SLC7A9: variants seen among roughly 807,000 people sequenced by gnomAD.
SLC7A9 encodes the protein B(0,+)-type amino acid transporter 1.
Under a neutral mutation model 54.1 loss-of-function variants are expected in SLC7A9, and 38 were observed. The ratio of observed to expected loss-of-function variants is 0.70; its 90% CI spans 0.54 to 0.92. The LOEUF is 0.92. SLC7A9 is among the 40% of genes least tolerant of loss of function. The pLI is 0.00. For synonymous variants in SLC7A9, 264 were observed against 258.9 expected (o/e 1.02, Z -0.19); for missense variants, 537 against 636.1 (o/e 0.84, Z 1.68).
intron 9 of SLC7A9, among the ~76,000 whole-genome samples, chr19:32,844,786 G>A (rs1036903370): frequency 2.1e-4 from 27 of 129,604 alleles, no homozygotes; most frequent in South Asian, 7.8e-4. Flanking sequence ...AGCTGAGATC[G>A]CACCATTGCA....
At chr19:32,858,846 T>A (rs920711419) in intron 8 of SLC7A9, among the ~76,000 whole-genome samples, 1 of 151,818 alleles carries the variant, frequency 6.6e-6, no homozygotes, top group African/African-American at 2.4e-5. Context: ...TGGAGTGCAA[T>A]GTTGCTGTCT....
chr19:32,840,716 G>T (rs1269684926), intron 11 of SLC7A9, among the ~76,000 whole-genome samples: 1 of 151,980 alleles, frequency 6.6e-6, no homozygotes, highest in African/African-American at 2.4e-5. Context: ...GAGTTTTTGT[G>T]GGGAGTTTCT....
intron 1 of SLC7A9, among the ~76,000 whole-genome samples, chr19:32,869,116 G>T (rs1010150847): frequency 8.6e-4 from 131 of 151,590 alleles, no homozygotes; most frequent in African/African-American, 3.0e-3. Flanking sequence ...CCAGCTACTC[G>T]GGAGGCTGAG....
At position 32,868,626 on chromosome 19, in the gene SLC7A9, G is replaced by T; in HGVS notation, c.-92C>A. 9.5e-7 allele frequency: 1 copy of T among 1,055,894 alleles called. No individual in the cohort carries two copies. The highest frequency in any genetic ancestry group is 1.5e-6 in the Non-Finnish European group (1 of 675,566). 65.4% of individuals were successfully genotyped at this position (1,055,894 alleles called of 1,614,324 possible). The stretch of plus-strand genomic sequence containing the variant: ...CAGACAAGACGCAAGTGCAAGCTCG[G>T]CCTGGACTAGGGGAGCTGGCTGCAA... On this transcript the variant is annotated 5_prime_UTR_variant, in exon 2 of 13. Coordinates refer to ENST00000023064, the MANE Select transcript of SLC7A9 (RefSeq NM_014270.5).
chr19:32,853,327 T>A (rs1458902814), intron 9 of SLC7A9, among the ~76,000 whole-genome samples: 5 of 152,106 alleles, frequency 3.3e-5, no homozygotes, highest in African/African-American at 1.2e-4. Context: ...TGAGGAAACT[T>A]TTTGGGGTGA....
intron 3 of SLC7A9, 94 bp downstream of exon 3, chr19:32,864,535 G>A: frequency 6.5e-7 from 1 of 1,550,052 alleles, no homozygotes; most frequent in South Asian, 1.1e-5. Context: ...GTGCCAAGAG[G>A]GATACTGGCA....
intron 3 of SLC7A9, 48 bp from the exon 4 acceptor site, chr19:32,864,386 C>A (rs754132832): frequency 1.2e-6 from 2 of 1,611,146 alleles, no homozygotes; most frequent in South Asian, 2.2e-5. Context: ...GAGGCACTGC[C>A]CCGGCCCCAG....
At chr19:32,841,647 C>CT (rs1681675955) in intron 11 of SLC7A9, among the ~76,000 whole-genome samples, 1 of 152,208 alleles carries the variant, frequency 6.6e-6, no homozygotes, top group South Asian at 2.1e-4. Flanking sequence ...TAGCTGACAC[C>CT]TGTAATCCCA....
At chr19:32,841,366 G>A (rs1036841440) in intron 11 of SLC7A9, among the ~76,000 whole-genome samples, 2 of 152,110 alleles carry the variant, frequency 1.3e-5, no homozygotes, top group African/African-American at 4.8e-5. Context: ...CAGATGGCAA[G>A]AATAGACTCT....
At chr19:32,837,536 A>G (rs896691553) in intron 11 of SLC7A9, among the ~76,000 whole-genome samples, 1 of 151,620 alleles carries the variant, frequency 6.6e-6, no homozygotes, top group Non-Finnish European at 1.5e-5. Context: ...CAAATTCCCA[A>G]CCAAAAAACA....
intron 12 of SLC7A9, among the ~76,000 whole-genome samples, chr19:32,832,124 AACAACAAC>A: frequency 6.9e-6 from 1 of 144,268 alleles, no homozygotes; most frequent in Non-Finnish European, 1.6e-5. Context: ...AAAAATACAA[AACAACAAC>A]AAGGAAATTA....
chr19:32,843,118 G>A (rs997287420), intron 10 of SLC7A9, among the ~76,000 whole-genome samples: 1 of 152,070 alleles, frequency 6.6e-6, no homozygotes, highest in African/African-American at 2.4e-5. Context: ...CAGAACAGTT[G>A]CACAAAACAA....
chr19:32,856,351 C>T (rs1032760145), intron 9 of SLC7A9, among the ~76,000 whole-genome samples: 2 of 151,972 alleles, frequency 1.3e-5, no homozygotes, highest in African/African-American at 2.4e-5. Flanking sequence ...CCCGCCACCA[C>T]GCACAGCTAA....
Position 32,842,273 on chromosome 19 carries a change from C to A in SLC7A9, c.1119G>T (p.Ser373=). The change falls in exon 11 of 13, where the codon TCG becomes TCT. Residue 373 remains serine, a synonymous_variant. Transcript: ENST00000023064. ...TIYIIPGDIN[S]LVNYFSFAAW... is the part of the protein sequence containing the mutation. Reference sequence around the variant, plus strand: ...CGGCAAAGCTGAAATAATTGACTAACGAGTTTATGTCACCAGGGATGATAT... The same window carrying A: ...CGGCAAAGCTGAAATAATTGACTAAAGAGTTTATGTCACCAGGGATGATAT... 1 of 1,613,858 alleles carries A rather than the reference C, an allele frequency of 6.2e-7. No individual in the cohort carries two copies. The highest frequency in any genetic ancestry group is 8.5e-7 in the Non-Finnish European group (1 of 1,179,810).
At chr19:32,836,642 T>A (rs1967966884) in intron 11 of SLC7A9, among the ~76,000 whole-genome samples, 1 of 152,208 alleles carries the variant, frequency 6.6e-6, no homozygotes, top group Non-Finnish European at 1.5e-5. Flanking sequence ...TGCTATATTT[T>A]AGATCCCCAG....
chr19:32,864,115 G>A lies in SLC7A9; in HGVS notation c.459C>T (p.Cys153=), dbSNP rs555734325. Residue 153 remains cysteine (C), a synonymous_variant, in exon 4 of 13, where the codon TGC becomes TGT. Transcript: ENST00000023064. ...ACTCACAGATGGCGGCGGCGGCCAG[G>A]CATTTCACAACGATTTGAGGAGGCT... ...GCKPPQIVVK[C]LAAAAILFIS... 1.9e-6 allele frequency: 3 copies of A among 1,614,206 alleles called. No individual in the cohort carries two copies. The highest frequency in any genetic ancestry group is 2.5e-6 in the Non-Finnish European group (3 of 1,180,034).
intron 10 of SLC7A9, among the ~76,000 whole-genome samples, chr19:32,843,300 TA>T (rs544693552): frequency 9.5e-4 from 145 of 152,018 alleles, no homozygotes; most frequent in African/African-American, 3.2e-3. Flanking sequence ...CTACTAAAAA[TA>T]CAAAAAGTAG....
chr19:32,845,264 A>G (rs918396751), intron 9 of SLC7A9, among the ~76,000 whole-genome samples: 8 of 152,088 alleles, frequency 5.3e-5, no homozygotes, highest in Non-Finnish European at 1.0e-4. Flanking sequence ...GGAGGCCGAG[A>G]CAGGTGGACT....
intron 9 of SLC7A9, among the ~76,000 whole-genome samples, chr19:32,852,073 A>G (rs2145826570): frequency 6.6e-6 from 1 of 152,224 alleles, no homozygotes; most frequent in Non-Finnish European, 1.5e-5. Flanking sequence ...CTAACGTTAA[A>G]ATGACGAGTT....
Sources: gnomAD v4.1 joint callset for allele counts (sites outside exome capture counted in the v4.1 genomes callset) on GRCh38, gnomAD v4.1.1 for gene constraint, MANE v1.5 for transcripts, NCBI Gene and HGNC (gene_info 2026-07-23, HGNC 2026-07-21) for gene names.